The following FANCI variants were observed in gnomAD, a reference collection of about 807,000 sequenced individuals.
FANCI encodes the protein Fanconi anemia group I protein.
Under a neutral mutation model 176.1 loss-of-function variants are expected in FANCI, and 156 were observed. That is an observed-to-expected ratio of 0.89 (90% confidence interval 0.78 to 1.01). The LOEUF is 1.01. Among genes scored for constraint, FANCI ranks in the 50% least tolerant of loss-of-function variants. The pLI, the probability that FANCI is intolerant of heterozygous loss-of-function variation, is 0.00. For missense variants in FANCI, 1,678 were observed against 1,534.1 expected (o/e 1.09, Z -1.57); for synonymous variants, 613 against 541.7 (o/e 1.13, Z -1.83).
intron 2 of FANCI, among the ~76,000 whole-genome samples, chr15:89,248,905 A>C (rs936576550): frequency 6.6e-6 from 1 of 152,172 alleles, no homozygotes; most frequent in African/African-American, 2.4e-5. Flanking sequence ...AACTATATAT[A>C]GGCCAGGCAT....
At chr15:89,300,486 GAGA>G (rs2054487406) in intron 26 of FANCI, 101 bp downstream of exon 26, 2 of 998,104 alleles carry the variant, frequency 2.0e-6, no homozygotes, top group African/African-American at 1.6e-5. Context: ...GACCAAGTAG[GAGA>G]AGAATTTTTT....
chr15:89,306,293 A>G, intron 32 of FANCI, 99 bp downstream of exon 32: 1 of 1,225,922 alleles, frequency 8.2e-7, no homozygotes, highest in Non-Finnish European at 1.2e-6. Flanking sequence ...ATGCCCCTAA[A>G]CAAGAGAGCA....
chr15:89,305,130 G>A lies in FANCI; in HGVS notation c.3074G>A (p.Cys1025Tyr). 1.2e-6 allele frequency: 2 copies of A among 1,614,126 alleles called. No individual in the cohort carries two copies. Among genetic ancestry groups the A allele is most frequent in the Non-Finnish European group, 1.7e-6 (2 of 1,180,002 alleles). Reference sequence around the variant, plus strand: ...CTATTCCTAGAGGATGCCTTGTTTTGCAAGAGCTTGATGAACTTGCTCTTC... The same window carrying A: ...CTATTCCTAGAGGATGCCTTGTTTTACAAGAGCTTGATGAACTTGCTCTTC... ...KENSREDALF[C>Y]KSLMNLLFSL... The change falls in exon 29 of 38, where the codon TGC becomes TAC. Residue 1025 changes from cysteine to tyrosine, a missense_variant. Cys to Tyr is a radical substitution (Grantham distance 194). Around this residue, in one of 3 missense-constraint regions of FANCI, gnomAD observed 1,204 missense variants for 1,077.4 expected, o/e 1.12. Transcript: ENST00000310775.
chr15:89,281,496 T>C (rs982351389), intron 15 of FANCI, among the ~76,000 whole-genome samples, 196 bp downstream of exon 15: 1 of 152,228 alleles, frequency 6.6e-6, no homozygotes, highest in East Asian at 1.9e-4. Context: ...CATAACACTA[T>C]TCTCTCAACT....
At position 89,316,800 on chromosome 15, in the gene FANCI, A is replaced by C. The variant is rs779072487; in HGVS notation, c.*341A>C. The C allele has an allele frequency of 1.2e-6, 2 of 1,613,952 alleles. No individual in the cohort carries two copies. The highest frequency in any genetic ancestry group is 1.7e-6 in the Non-Finnish European group (2 of 1,179,846). ...TTCCAAGGAGCCTTTGGTGAGTTCAATTATCTGGTAAATATCCAGCGCTTC... is the reference window on the plus strand; with the variant it reads ...TTCCAAGGAGCCTTTGGTGAGTTCACTTATCTGGTAAATATCCAGCGCTTC... On this transcript the variant is annotated 3_prime_UTR_variant, in exon 38 of 38. Transcript: ENST00000310775.
At position 89,296,892 on chromosome 15, in the gene FANCI, G is replaced by A. The variant is rs543454080; in HGVS notation, c.2636+1798G>A. On this transcript the variant is annotated intron_variant, in intron 24 of 37. Transcript: ENST00000310775. ...TCCCAGTAGGGGCCCCTCACCTCCC[G>A]GACGGGGCGGCTGGCCGGGCGGGGG... 1.5e-3 allele frequency among the ~76,000 whole-genome samples: 218 copies of A among 144,782 alleles called. 2 individuals are homozygous for A. The highest frequency in any genetic ancestry group is 2.1e-3 in the Non-Finnish European group (138 of 64,660). The allele number at this position is 144,782 out of a possible 152,430, so 95.0% of individuals were successfully genotyped here. A position where few individuals can be genotyped will look rare whatever the true frequency, so the allele number is the denominator to read the frequency against.
intron 9 of FANCI, among the ~76,000 whole-genome samples, chr15:89,266,089 T>C (rs1447577278): frequency 6.6e-6 from 1 of 150,590 alleles, no homozygotes; most frequent in Non-Finnish European, 1.5e-5. Flanking sequence ...CTCCAATTCC[T>C]GGGCTCAAGT....
chr15:89,312,839 G>T (rs2055022818), intron 34 of FANCI, 65 bp from the exon 35 acceptor site: 5 of 1,192,038 alleles, frequency 4.2e-6, no homozygotes, highest in Non-Finnish European at 4.8e-6. Flanking sequence ...AAAAAAATTA[G>T]CACTAGCATG....
Position 89,306,166 on chromosome 15 carries a change from ACAC to A in FANCI, c.3513_3515del (p.Thr1172del). On this transcript the variant is annotated inframe_deletion, in exon 32 of 38. Coordinates refer to ENST00000310775, the MANE Select transcript of FANCI (RefSeq NM_001113378.2). ...TTGTTAAAGGACTTGTGCAAAATGTACACCACACTTACAGCCCTTGTCAGATAT... is the reference window on the plus strand; with the variant it reads ...TTGTTAAAGGACTTGTGCAAAATGTACACACTTACAGCCCTTGTCAGATAT... 2 of 1,614,208 alleles carry A rather than the reference ACAC, an allele frequency of 1.2e-6. No individual in the cohort carries two copies. The highest frequency in any genetic ancestry group is 1.7e-6 in the Non-Finnish European group (2 of 1,180,042).
In FANCI at chr15:89,300,570, G is replaced by A. The variant is rs538497400; in HGVS notation, c.2889+185G>A. Among the ~76,000 whole-genome samples the A allele has an allele frequency of 2.0e-5, 3 of 152,298 alleles. No individual in the cohort carries two copies. The South Asian group carries it at 6.2e-4, about 32-fold the overall frequency. Reference sequence around the variant, plus strand: ...ATGTATTTAAAAGGACCCTAGTGAGGATAGGTATTTAGCCACCCCAACCTG... The same window carrying A: ...ATGTATTTAAAAGGACCCTAGTGAGAATAGGTATTTAGCCACCCCAACCTG... On this transcript the variant is annotated intron_variant, in intron 26 of 37. Transcript: ENST00000310775.
chr15:89,279,727 G>A (rs1406359942), intron 14 of FANCI, among the ~76,000 whole-genome samples: 1 of 152,078 alleles, frequency 6.6e-6, no homozygotes, highest in Non-Finnish European at 1.5e-5. Context: ...TCCAGGTCCT[G>A]GAGGCTGGAA....
At chr15:89,305,984 G>C in intron 31 of FANCI, 23 bp from the exon 32 acceptor site, 1 of 1,613,688 alleles carries the variant, frequency 6.2e-7, no homozygotes, top group South Asian at 1.1e-5. Context: ...GGGTTTGAAT[G>C]TGCCAATTTT....
At chr15:89,302,871 C>T (rs1425711853) in intron 27 of FANCI, among the ~76,000 whole-genome samples, 1 of 152,046 alleles carries the variant, frequency 6.6e-6, no homozygotes, top group Non-Finnish European at 1.5e-5. Context: ...CCGCGCCTGG[C>T]CAAAAATTTT....
At chr15:89,260,956 A>G (rs2052687323) in intron 4 of FANCI, 113 bp downstream of exon 4, 2 of 1,330,710 alleles carry the variant, frequency 1.5e-6, no homozygotes, top group Non-Finnish European at 2.1e-6. Context: ...TTTATGAGTA[A>G]GACCTGTTGT....
At position 89,316,262 on chromosome 15, in the gene FANCI, G is replaced by A. The variant is rs3176248; in HGVS notation, c.3925-135G>A. 9.0e-3 allele frequency: 7,973 copies of A among 886,164 alleles called. 393 individuals carry two copies. The African/African-American group carries it at 0.11, about 12-fold the overall frequency. 54.9% of individuals were successfully genotyped at this position (886,164 alleles called of 1,614,324 possible). ...TTCTTCAACAACATAATTACCTCCT[G>A]TGAGTGGGAAAGTGGGGAAAGCATG... On this transcript the variant is annotated intron_variant, in intron 37 of 37. Coordinates refer to ENST00000310775, the MANE Select transcript of FANCI (RefSeq NM_001113378.2).
Position 89,317,076 on chromosome 15 carries a change from C to T in FANCI, c.*617C>T, listed in dbSNP as rs974235750. ...GGTATTTAAAGCACAGTTTGTTTTTCTGTCACCTATAGAGTGCAAGAATGC... is the reference window on the plus strand; with the variant it reads ...GGTATTTAAAGCACAGTTTGTTTTTTTGTCACCTATAGAGTGCAAGAATGC... On this transcript the variant is annotated 3_prime_UTR_variant, in exon 38 of 38. Transcript: ENST00000310775. 3 of 590,426 alleles carry T rather than the reference C, an allele frequency of 5.1e-6. No individual in the cohort carries two copies. Among genetic ancestry groups the T allele is most frequent in the East Asian group, 5.7e-5 (2 of 34,920 alleles). 36.6% of individuals were successfully genotyped at this position (590,426 alleles called of 1,614,324 possible).
chr15:89,278,874 A>G lies in FANCI; in HGVS notation c.1381+100A>G, dbSNP rs2053503817. The G allele has an allele frequency of 3.6e-6, 3 of 844,498 alleles. No individual in the cohort carries two copies. The East Asian group carries it at 7.8e-5, about 22-fold the overall frequency. The allele number at this position is 844,498 out of a possible 1,614,324, so 52.3% of individuals were successfully genotyped here. A position where few individuals can be genotyped will look rare whatever the true frequency, so the allele number is the denominator to read the frequency against. ...GAAAAAAATTTTAATGAGCATTTAA[A>G]TGCAGTATCTTTGATAGGATGCCAA... On this transcript the variant is annotated intron_variant, in intron 14 of 37. Coordinates refer to ENST00000310775, the MANE Select transcript of FANCI (RefSeq NM_001113378.2).
chr15:89,250,354 C>G (rs951877160), intron 2 of FANCI, among the ~76,000 whole-genome samples: 1 of 152,154 alleles, frequency 6.6e-6, no homozygotes, highest in African/African-American at 2.4e-5. Flanking sequence ...CCATGGAATA[C>G]TATGCAGCCA....
Position 89,297,644 on chromosome 15 carries a change from G to A in FANCI, c.2637-2156G>A, listed in dbSNP as rs182583823. On this transcript the variant is annotated intron_variant, in intron 24 of 37. Coordinates refer to ENST00000310775, the MANE Select transcript of FANCI (RefSeq NM_001113378.2). ...GGTGTGGCGGCAATTGCAGGCACTC[G>A]GCAGGCTGAGGCAGGAGAATCAGGC... Among the ~76,000 whole-genome samples the A allele has an allele frequency of 2.6e-3, 400 of 152,132 alleles. 8 individuals are homozygous for A. The highest frequency in any genetic ancestry group is 0.015 in the East Asian group (76 of 5,164).
Sources: allele counts gnomAD v4.1 joint callset (sites outside exome capture counted in the v4.1 genomes callset), GRCh38; gene constraint gnomAD v4.1.1; regional missense constraint gnomAD v4.1.1; transcripts MANE v1.5; gene names NCBI Gene and HGNC (gene_info 2026-07-23, HGNC 2026-07-21).